The following RSF1 variants were observed in gnomAD, a reference collection of about 807,000 sequenced individuals.
The protein encoded by RSF1 is remodeling and spacing factor 1.
Under a neutral mutation model 145.2 loss-of-function variants are expected in RSF1, and 13 were observed. The observed-to-expected ratio is 0.09, with a 90% CI of 0.06 to 0.14. The LOEUF (loss-of-function observed/expected upper bound fraction) is 0.14. RSF1 is among the 10% of genes least tolerant of loss of function. The probability of loss-of-function intolerance (pLI) is 1.00; values close to 1 mark genes in which losing one functional copy is unlikely to be tolerated. For missense variants in RSF1, 1,517 were observed against 1,718.2 expected (o/e 0.88, Z 2.07); for synonymous variants, 577 against 592.6 (o/e 0.97, Z 0.38).
chr11:77,799,106 A>G (rs1365481181), intron 1 of RSF1, among the ~76,000 whole-genome samples: 1 of 152,090 alleles, frequency 6.6e-6, no homozygotes, highest in Non-Finnish European at 1.5e-5. Flanking sequence ...AATGGGGGAA[A>G]ATATTTACAA....
chr11:77,773,137 T>C (rs1399777038), intron 1 of RSF1, among the ~76,000 whole-genome samples: 1 of 152,202 alleles, frequency 6.6e-6, no homozygotes, highest in East Asian at 1.9e-4. Flanking sequence ...CATTCTTCCT[T>C]TCTTAAAAAA....
At chr11:77,740,042 T>C (rs1471117464) in intron 4 of RSF1, among the ~76,000 whole-genome samples, 1 of 152,230 alleles carries the variant, frequency 6.6e-6, no homozygotes, top group Admixed American at 6.5e-5. Context: ...ATGAACTGAA[T>C]AAATTAAAAT....
chr11:77,850,016 A>C, the RSF1 span, among the ~76,000 whole-genome samples: 1 of 152,242 alleles, frequency 6.6e-6, no homozygotes, highest in Non-Finnish European at 1.5e-5. Flanking sequence ...GGTTAGCAAG[A>C]ACTATGCATT....
Position 77,663,074 on chromosome 11 carries a change from T to C in RSF1, c.*3843A>G, listed in dbSNP as rs562551742. ...CATTTAACTCTGGGTCTTTGAATAG[T>C]TGTTCTATAGCTGTGAGGCATCACC... On this transcript the variant is annotated 3_prime_UTR_variant, in exon 16 of 16. Coordinates refer to ENST00000308488, the MANE Select transcript of RSF1 (RefSeq NM_016578.4). 2.6e-5 allele frequency: 4 copies of C among 152,288 alleles called. No individual in the cohort carries two copies. The highest frequency in any genetic ancestry group is 6.5e-5 in the Admixed American group (1 of 15,286). The allele number at this position is 152,288 out of a possible 1,614,324, so 9.4% of individuals were successfully genotyped here.
chr11:77,669,639 T>C (rs1959467092), intron 15 of RSF1, among the ~76,000 whole-genome samples: 1 of 152,240 alleles, frequency 6.6e-6, no homozygotes, highest in Admixed American at 6.5e-5. Flanking sequence ...ATGAGGTTAG[T>C]GGCTATTGTA....
chr11:77,805,103 G>A (rs2135981785), intron 1 of RSF1, among the ~76,000 whole-genome samples: 1 of 152,262 alleles, frequency 6.6e-6, no homozygotes, highest in East Asian at 1.9e-4. Flanking sequence ...TGTCCAATAA[G>A]TATCAAATCT....
At chr11:77,712,707 A>G (rs1027078568) in intron 5 of RSF1, among the ~76,000 whole-genome samples, 1 of 152,196 alleles carries the variant, frequency 6.6e-6, no homozygotes, top group African/African-American at 2.4e-5. Flanking sequence ...TTACATCTAC[A>G]TGTTTTAACT....
intron 1 of RSF1, among the ~76,000 whole-genome samples, chr11:77,783,397 G>A (rs1190479332): frequency 2.6e-5 from 4 of 152,062 alleles, no homozygotes; most frequent in Admixed American, 2.0e-4. Context: ...GTTTTCATCC[G>A]AAGATGTTTC....
At chr11:77,846,050 G>A in the RSF1 span, among the ~76,000 whole-genome samples, 1 of 151,620 alleles carries the variant, frequency 6.6e-6, no homozygotes, top group African/African-American at 2.4e-5. Context: ...ATATAATGTG[G>A]CAACACCGGA....
intron 1 of RSF1, among the ~76,000 whole-genome samples, chr11:77,767,934 T>G (rs1229576302): frequency 6.6e-6 from 1 of 152,168 alleles, no homozygotes; most frequent in Non-Finnish European, 1.5e-5. Flanking sequence ...ACTTTACAAA[T>G]CTACTCATTG....
Position 77,678,075 on chromosome 11 carries a change from C to A in RSF1, c.3133+11G>T. 1 of 1,607,424 alleles carries A rather than the reference C, an allele frequency of 6.2e-7. No individual in the cohort carries two copies. ...GAGTTCTATGAAGAAGAGAGAACGA[C>A]AAACACATACCTCCTCCATCGGCTT... On this transcript the variant is annotated intron_variant, in intron 12 of 15. Coordinates refer to ENST00000308488, the MANE Select transcript of RSF1 (RefSeq NM_016578.4).
At chr11:77,759,407 C>T (rs757700366) in intron 2 of RSF1, among the ~76,000 whole-genome samples, 14 of 151,854 alleles carry the variant, frequency 9.2e-5, no homozygotes, top group African/African-American at 1.2e-4. Flanking sequence ...TAAGGCTGGG[C>T]GTAGCGGCTC....
rs182358318 is a variant in RSF1 at position 77,660,021 on chromosome 11, T to C, written c.*6896A>G. On this transcript the variant is annotated 3_prime_UTR_variant, in exon 16 of 16. Coordinates refer to ENST00000308488, the MANE Select transcript of RSF1 (RefSeq NM_016578.4). Reference sequence around the variant, plus strand: ...TCATGCTAAATAATTCAAATTTAAATTTTTATTATGACAATTGACATATTA... The same window carrying C: ...TCATGCTAAATAATTCAAATTTAAACTTTTATTATGACAATTGACATATTA... 1.8e-3 allele frequency: 276 copies of C among 152,282 alleles called. 2 individuals are homozygous for C. The highest frequency in any genetic ancestry group is 6.3e-3 in the African/African-American group (263 of 41,566). The allele number at this position is 152,282 out of a possible 1,614,324, so 9.4% of individuals were successfully genotyped here.
chr11:77,801,776 T>C (rs1449684207), intron 1 of RSF1, among the ~76,000 whole-genome samples: 1 of 152,028 alleles, frequency 6.6e-6, no homozygotes, highest in Non-Finnish European at 1.5e-5. Flanking sequence ...AGCCTGGAAC[T>C]TTCAGCCCCA....
chr11:77,742,930 A>G (rs1289347730), intron 3 of RSF1, among the ~76,000 whole-genome samples: 1 of 152,166 alleles, frequency 6.6e-6, no homozygotes, highest in East Asian at 1.9e-4. Flanking sequence ...ATGGTGTAAG[A>G]TAAGGGTCTA....
At chr11:77,754,960 C>T (rs1948101246) in intron 2 of RSF1, among the ~76,000 whole-genome samples, 1 of 151,916 alleles carries the variant, frequency 6.6e-6, no homozygotes, top group Non-Finnish European at 1.5e-5. Context: ...CACAGTGAGA[C>T]CCTGTCTCAA....
the RSF1 span, among the ~76,000 whole-genome samples, chr11:77,840,702 C>G: frequency 2.0e-5 from 3 of 152,202 alleles, no homozygotes; most frequent in Non-Finnish European, 2.9e-5. Context: ...AGCCACCACA[C>G]TCAGCCCCAG....
intron 14 of RSF1, among the ~76,000 whole-genome samples, chr11:77,673,060 T>G (rs1467879701): frequency 6.6e-6 from 1 of 152,224 alleles, no homozygotes; most frequent in South Asian, 2.1e-4. Context: ...ACAGCTGCCA[T>G]GACTGCTCTT....
chr11:77,770,170 T>G (rs1029484177), intron 1 of RSF1, among the ~76,000 whole-genome samples: 2 of 152,178 alleles, frequency 1.3e-5, no homozygotes, highest in African/African-American at 4.8e-5. Flanking sequence ...TAAAAAGGTA[T>G]AGTACAGAGA....
Sources: gnomAD v4.1 joint callset for allele counts (sites outside exome capture counted in the v4.1 genomes callset) on GRCh38, gnomAD v4.1.1 for gene constraint, MANE v1.5 for transcripts, NCBI Gene and HGNC (gene_info 2026-07-23, HGNC 2026-07-21) for gene names.